IRAK3: variants seen among roughly 807,000 people sequenced by gnomAD.
IRAK3 encodes interleukin-1 receptor-associated kinase 3.
In IRAK3, 57 loss-of-function variants were observed where a neutral mutation model predicts 56.6. The ratio of observed to expected loss-of-function variants is 1.01; its 90% CI spans 0.81 to 1.26. The LOEUF is 1.26. Ranked by LOEUF, IRAK3 falls within the 50% of genes most tolerant of loss-of-function variation. IRAK3 has a pLI of 0.00. For synonymous variants in IRAK3, 258 were observed against 255.7 expected, an observed-to-expected ratio of 1.01 and a Z score of -0.09; for missense variants, 703 against 719.0, an observed-to-expected ratio of 0.98 and a Z score of 0.25.
intron 5 of IRAK3, 56 bp downstream of exon 5, chr12:66,211,653 A>T (rs563015248): frequency 7.2e-7 from 1 of 1,394,590 alleles, no homozygotes; most frequent in East Asian, 2.3e-5. Context: ...TTCATCTTTC[A>T]TATTAAAATA....
At position 66,244,971 on chromosome 12, in the gene IRAK3, A is replaced by T. The variant is rs752165222; in HGVS notation, c.1110A>T (p.Gly370=). 2 of 1,613,234 alleles carry T rather than the reference A, an allele frequency of 1.2e-6. No individual in the cohort carries two copies. Among genetic ancestry groups the T allele is most frequent in the Non-Finnish European group, 1.7e-6 (2 of 1,179,136 alleles). ...FGIVIMEVLT[G]CRVVLDDPKH... Reference sequence around the variant, plus strand: ...AGGTAATAATGGAAGTTCTAACAGGATGTAGAGTAGTGTTAGATGATCCAA... The same window carrying T: ...AGGTAATAATGGAAGTTCTAACAGGTTGTAGAGTAGTGTTAGATGATCCAA... Residue 370 remains glycine (G), a synonymous_variant, in exon 10 of 12, where the codon GGA becomes GGT. Coordinates refer to ENST00000261233, the MANE Select transcript of IRAK3 (RefSeq NM_007199.3).
intron 2 of IRAK3, among the ~76,000 whole-genome samples, chr12:66,208,166 A>G (rs61648127): frequency 0.07 from 10,687 of 152,240 alleles, 1,032 homozygotes; most frequent in African/African-American, 0.22. Context: ...CTAGAAAATG[A>G]AAGTTTTCTA....
intron 8 of IRAK3, among the ~76,000 whole-genome samples, chr12:66,233,037 G>A (rs1359684364): frequency 6.6e-6 from 1 of 151,374 alleles, no homozygotes; most frequent in Non-Finnish European, 1.5e-5. Context: ...CAAAATTTCA[G>A]CAACTTTTAT....
chr12:66,233,453 G>A (rs931401465), intron 8 of IRAK3, among the ~76,000 whole-genome samples: 2 of 151,522 alleles, frequency 1.3e-5, no homozygotes, highest in African/African-American at 4.8e-5. Context: ...GGGAGGCGGA[G>A]CTTGCAGTGA....
chr12:66,235,298 C>CGCG (rs1240712445), intron 8 of IRAK3: 2 of 1,261,144 alleles, frequency 1.6e-6, no homozygotes, highest in Non-Finnish European at 2.0e-6. Context: ...CGCTGCGGGC[C>CGCG]GCGGCGGCGG....
intron 1 of IRAK3, chr12:66,197,101 G>T: frequency 7.6e-7 from 1 of 1,320,942 alleles, no homozygotes; most frequent in South Asian, 2.2e-5. Flanking sequence ...TCTGATTTCT[G>T]AACTTCTTAG....
intron 8 of IRAK3, among the ~76,000 whole-genome samples, chr12:66,233,591 T>C (rs1028926834): frequency 6.6e-6 from 1 of 151,542 alleles, no homozygotes; most frequent in African/African-American, 2.4e-5. Context: ...ACACTCGCAC[T>C]GCAAGCACAG....
intron 8 of IRAK3, among the ~76,000 whole-genome samples, chr12:66,238,592 G>T (rs143239897): frequency 1.3e-5 from 2 of 152,200 alleles, no homozygotes; most frequent in South Asian, 2.1e-4. Context: ...AGCATAATTA[G>T]TGTGCAGAAA....
intron 8 of IRAK3, chr12:66,235,382 G>A: frequency 9.9e-7 from 1 of 1,006,574 alleles, no homozygotes; most frequent in Non-Finnish European, 1.2e-6. Context: ...GGGCCGGCCG[G>A]GCCCCGGGCC....
intron 8 of IRAK3, among the ~76,000 whole-genome samples, chr12:66,233,094 A>C (rs2052861223): frequency 6.6e-6 from 1 of 152,112 alleles, no homozygotes; most frequent in African/African-American, 2.4e-5. Context: ...AAGGCATAAT[A>C]GACCAGCTCA....
Position 66,210,780 on chromosome 12 carries a change from T to C in IRAK3, c.436+579T>C, listed in dbSNP as rs543050481. Among the ~76,000 whole-genome samples, 60 of 152,362 alleles carry C rather than the reference T, an allele frequency of 3.9e-4. 1 individual carries two copies. The South Asian group carries it at 0.012, about 30-fold the overall frequency. On this transcript the variant is annotated intron_variant, in intron 4 of 11. Transcript: ENST00000261233. Reference sequence around the variant, plus strand: ...GAATTAGGAAAGTTAGATAAGGCTTTGGTTCTTCAACAATAAGGTCTAAAT... The same window carrying C: ...GAATTAGGAAAGTTAGATAAGGCTTCGGTTCTTCAACAATAAGGTCTAAAT...
rs1325109431 is a variant in IRAK3, at chr12:66,253,522, A to G, written c.*5351A>G. On this transcript the variant is annotated 3_prime_UTR_variant, in exon 12 of 12. Coordinates refer to ENST00000261233, the MANE Select transcript of IRAK3 (RefSeq NM_007199.3). ...AGACATTTTTATTCAAAAGACCTGT[A>G]TTGCCTGCCAAACCTTCATTTAAGA... 1 of 152,168 alleles carries G rather than the reference A, an allele frequency of 6.6e-6. No individual in the cohort carries two copies. Among genetic ancestry groups the G allele is most frequent in the Non-Finnish European group, 1.5e-5 (1 of 68,036 alleles). The allele number at this position is 152,168 out of a possible 1,614,324, so 9.4% of individuals were successfully genotyped here.
intron 8 of IRAK3, chr12:66,235,220 T>C: frequency 6.2e-7 from 1 of 1,611,542 alleles, no homozygotes; most frequent in Non-Finnish European, 8.5e-7. Flanking sequence ...CAGAGACTGC[T>C]GCTTGCGATA....
Position 66,209,444 on chromosome 12 carries a change from T to A in IRAK3, c.317-12T>A. 1 of 1,584,562 alleles carries A rather than the reference T, an allele frequency of 6.3e-7. No homozygotes were observed. ...ATTTTTTTGTATCTACCTTCCCATA[T>A]TTCTCTTTCAGGAGCAGTGTTGAGT... is the stretch of plus-strand genomic sequence containing the variant. On this transcript the variant is annotated splice_polypyrimidine_tract_variant and intron_variant, in intron 2 of 11. Coordinates refer to ENST00000261233, the MANE Select transcript of IRAK3 (RefSeq NM_007199.3).
Position 66,238,018 on chromosome 12 carries a change from C to T in IRAK3, c.888-6468C>T, listed in dbSNP as rs1400197293. ...GCTCCCTGTGGGTGTCAAACAATGTCGTTGGAGCTGTACAGCAGGAATTTT... is the reference window on the plus strand; with the variant it reads ...GCTCCCTGTGGGTGTCAAACAATGTTGTTGGAGCTGTACAGCAGGAATTTT... On this transcript the variant is annotated intron_variant, in intron 8 of 11. Transcript: ENST00000261233. Among the ~76,000 whole-genome samples, 5 of 152,130 alleles carry T rather than the reference C, an allele frequency of 3.3e-5. No individual in the cohort carries two copies. The South Asian group carries it at 8.3e-4, about 25-fold the overall frequency.
chr12:66,201,489 T>G (rs1490544934), intron 1 of IRAK3, among the ~76,000 whole-genome samples: 1 of 152,164 alleles, frequency 6.6e-6, no homozygotes, highest in East Asian at 1.9e-4. Context: ...CCAAAACACA[T>G]TGTTAATTTT....
intron 1 of IRAK3, among the ~76,000 whole-genome samples, chr12:66,201,466 C>T (rs2052507255): frequency 6.6e-6 from 1 of 152,170 alleles, no homozygotes; most frequent in African/African-American, 2.4e-5. Context: ...ATGGTGCCAT[C>T]ACCACCAAAA....
At chr12:66,195,908 C>T (rs957647865) in intron 1 of IRAK3, among the ~76,000 whole-genome samples, 1 of 152,012 alleles carries the variant, frequency 6.6e-6, no homozygotes, top group African/African-American at 2.4e-5. Flanking sequence ...CCACCCACCT[C>T]GGCCTCCCAA....
At position 66,217,151 on chromosome 12, in the gene IRAK3, T is replaced by G; in HGVS notation, c.589-20T>G. On this transcript the variant is annotated intron_variant, in intron 5 of 11. Transcript: ENST00000261233. ...ACAGATCCTTTCCTTAATTTTGTTC[T>G]TGTCTTTCTGTATATGTAGGAGAAA... 1 of 1,558,852 alleles carries G rather than the reference T, an allele frequency of 6.4e-7. No individual in the cohort carries two copies. The highest frequency in any genetic ancestry group is 2.2e-5 in the East Asian group (1 of 44,530).
Sources: gnomAD v4.1 joint callset for allele counts (sites outside exome capture counted in the v4.1 genomes callset) on GRCh38, gnomAD v4.1.1 for gene constraint, MANE v1.5 for transcripts, NCBI Gene and HGNC (gene_info 2026-07-23, HGNC 2026-07-21) for gene names.